Variants in CLIC5 observed in about 807,000 individuals in gnomAD.
CLIC5 encodes CLIC family member 5.
CLIC5 carries 20 observed loss-of-function variants against 24.7 expected under a neutral mutation model. The observed-to-expected ratio is 0.81, with a 90% CI of 0.57 to 1.18. The LOEUF (loss-of-function observed/expected upper bound fraction) is 1.18. Among genes scored for constraint, CLIC5 ranks in the 50% most tolerant of loss-of-function variants. CLIC5 has a pLI of 0.00. For missense variants in CLIC5, 341 were observed against 326.1 expected (o/e 1.05, Z -0.35); for synonymous variants, 159 against 135.6 (o/e 1.17, Z -1.20).
intron 2 of CLIC5, among the ~76,000 whole-genome samples, chr6:45,950,547 G>T (rs956388493): frequency 2.0e-5 from 3 of 152,176 alleles, no homozygotes; most frequent in Non-Finnish European, 4.4e-5. Context: ...CTCCAGTCTG[G>T]GGGACAGAGT....
chr6:46,048,665 C>T (rs1238547757), intron 1 of CLIC5, among the ~76,000 whole-genome samples: 1 of 152,142 alleles, frequency 6.6e-6, no homozygotes, highest in Non-Finnish European at 1.5e-5. Context: ...AACCTCAGCC[C>T]TGATCAGAGC....
chr6:46,086,650 T>G, the CLIC5 span, among the ~76,000 whole-genome samples: 1 of 152,186 alleles, frequency 6.6e-6, no homozygotes, highest in Admixed American at 6.5e-5. Flanking sequence ...ATAACACAGA[T>G]AGCAGTTCAA....
the CLIC5 span, among the ~76,000 whole-genome samples, chr6:46,108,499 C>G: frequency 6.6e-6 from 1 of 151,772 alleles, no homozygotes; most frequent in Non-Finnish European, 1.5e-5. Context: ...TGGGTTCAAG[C>G]GATTCTCCTG....
chr6:45,974,522 T>TATATATATAG (rs1339415709), intron 1 of CLIC5, among the ~76,000 whole-genome samples: 4 of 66,002 alleles, frequency 6.1e-5, no homozygotes, highest in Non-Finnish European at 1.1e-4. Flanking sequence ...TATATATATA[T>TATATATATAG]AGAGAGAGAG....
chr6:45,999,871 G>C lies in CLIC5; in HGVS notation c.63+15609C>G, dbSNP rs1352096912. On this transcript the variant is annotated intron_variant, in intron 1 of 5. Transcript: ENST00000339561. ...CGCCATTCTCCTGCCTCAGCCTCCC[G>C]AGTAGCTGGGACTACAGGCGCCCGC... Among the ~76,000 whole-genome samples the C allele has an allele frequency of 3.5e-4, 28 of 79,418 alleles. 1 individual carries two copies. The highest frequency in any genetic ancestry group is 4.1e-4 in the African/African-American group (8 of 19,612). The allele number at this position is 79,418 out of a possible 152,430, so 52.1% of individuals were successfully genotyped here. A position where few individuals can be genotyped will look rare whatever the true frequency, so the allele number is the denominator to read the frequency against.
At chr6:46,129,402 T>C in the CLIC5 span, 146 of 152,352 alleles carry the variant, frequency 9.6e-4, 1 homozygote, top group Middle Eastern at 3.4e-3. Flanking sequence ...CAATCCCACA[T>C]ACGCGTCTGT....
chr6:46,095,112 C>G, the CLIC5 span, among the ~76,000 whole-genome samples: 2 of 152,298 alleles, frequency 1.3e-5, no homozygotes, highest in Non-Finnish European at 2.9e-5. Context: ...AGCCAGGATA[C>G]AGGGAGCAGT....
In CLIC5 at chr6:45,903,174, G is replaced by C. The variant is rs879014681; in HGVS notation, c.670C>G (p.Arg224Gly). Reference protein sequence around the residue: ...LWRYLKNAYARDEFTNTCAAD... With the variant: ...LWRYLKNAYAGDEFTNTCAAD... ...GCACAGGTGTTGGTGAACTCATCACGGGCATAGGCGTTCTTGAGGTACCGC... is the reference window on the plus strand; with the variant it reads ...GCACAGGTGTTGGTGAACTCATCACCGGCATAGGCGTTCTTGAGGTACCGC... The change falls in exon 6 of 6, where the codon CGT becomes GGT. Residue 224 changes from arginine to glycine, a missense_variant. Arg to Gly is a moderately radical substitution (Grantham distance 125, BLOSUM62 -2). Coordinates refer to ENST00000339561, the MANE Select transcript of CLIC5 (RefSeq NM_016929.5). 2 of 1,613,868 alleles carry C rather than the reference G, an allele frequency of 1.2e-6. No homozygotes were observed. The highest frequency in any genetic ancestry group is 1.3e-5 in the African/African-American group (1 of 74,902).
chr6:46,047,781 A>C (rs1767992344), intron 1 of CLIC5, among the ~76,000 whole-genome samples: 1 of 152,214 alleles, frequency 6.6e-6, no homozygotes, highest in Non-Finnish European at 1.5e-5. Context: ...TCTCCCACAA[A>C]TCAGGATATT....
chr6:45,930,837 A>T (rs73735487), intron 4 of CLIC5, among the ~76,000 whole-genome samples: 2,541 of 152,316 alleles, frequency 0.017, 58 homozygotes, highest in African/African-American at 0.057. Context: ...AATCTTCAAG[A>T]GAGGGTGCTA....
upstream of CLIC5, among the ~76,000 whole-genome samples, chr6:46,019,946 G>A (rs75283345): frequency 0.016 from 2,410 of 151,922 alleles, 72 homozygotes; most frequent in African/African-American, 0.056. Flanking sequence ...GGAACTGAAA[G>A]GAGAAAGAGA....
intron 1 of CLIC5, among the ~76,000 whole-genome samples, chr6:46,038,137 G>A (rs1002054816): frequency 6.6e-6 from 1 of 152,068 alleles, no homozygotes; most frequent in African/African-American, 2.4e-5. Context: ...CAAGTAGAAG[G>A]GACCCAGGAG....
At chr6:45,925,949 T>C (rs1261998165) in intron 4 of CLIC5, among the ~76,000 whole-genome samples, 2 of 152,096 alleles carry the variant, frequency 1.3e-5, no homozygotes, top group Admixed American at 1.3e-4. Context: ...ACGACTCAGG[T>C]AGGACTGAGG....
the CLIC5 span, among the ~76,000 whole-genome samples, chr6:46,092,853 A>C: frequency 3.3e-5 from 5 of 152,264 alleles, no homozygotes; most frequent in East Asian, 9.6e-4. Context: ...GTCCCAACCA[A>C]ATACTAAGAA....
At chr6:46,048,334 T>G (rs1488332339) in intron 1 of CLIC5, among the ~76,000 whole-genome samples, 1 of 152,190 alleles carries the variant, frequency 6.6e-6, no homozygotes, top group Non-Finnish European at 1.5e-5. Context: ...GAATTTCATT[T>G]TTGTTTCTGA....
intron 1 of CLIC5, among the ~76,000 whole-genome samples, chr6:45,976,455 A>G (rs1447384792): frequency 1.3e-5 from 2 of 152,162 alleles, no homozygotes; most frequent in African/African-American, 4.8e-5. Flanking sequence ...GAAAACTGGG[A>G]TGAGTTGGTC....
At chr6:46,042,276 T>C (rs1767828397) in intron 1 of CLIC5, among the ~76,000 whole-genome samples, 1 of 152,234 alleles carries the variant, frequency 6.6e-6, no homozygotes, top group Non-Finnish European at 1.5e-5. Flanking sequence ...GTTGTATTTC[T>C]GCATTCAATA....
intron 4 of CLIC5, among the ~76,000 whole-genome samples, chr6:45,925,590 C>T (rs1270655978): frequency 1.3e-5 from 2 of 152,224 alleles, no homozygotes; most frequent in African/African-American, 4.8e-5. Context: ...GCTGAGATTA[C>T]AGGCATGAGC....
At chr6:45,966,003 C>T (rs1266030112) in intron 1 of CLIC5, among the ~76,000 whole-genome samples, 1 of 152,182 alleles carries the variant, frequency 6.6e-6, no homozygotes, top group East Asian at 1.9e-4. Flanking sequence ...TACTCATCTG[C>T]CCTTCTGTTC....
Sources: allele counts gnomAD v4.1 joint callset (sites outside exome capture counted in the v4.1 genomes callset), GRCh38; gene constraint gnomAD v4.1.1; transcripts MANE v1.5; gene names NCBI Gene and HGNC (gene_info 2026-07-23, HGNC 2026-07-21).